The following GPM6A variants were observed in gnomAD, a reference collection of about 807,000 sequenced individuals.
GPM6A encodes glycoprotein M6A, also known as neuronal membrane glycoprotein M6-a.
A neutral mutation model predicts 32.1 loss-of-function variants in GPM6A; 7 were observed. That is an observed-to-expected ratio of 0.22 (90% CI 0.12 to 0.41). The LOEUF is 0.41. Among genes scored for constraint, GPM6A ranks in the 10% least tolerant of loss-of-function variants. GPM6A has a pLI of 1.00. For missense variants in GPM6A, 235 were observed against 347.2 expected, an observed-to-expected ratio of 0.68 and a Z score of 2.57; for synonymous variants, 130 against 123.4, an observed-to-expected ratio of 1.05 and a Z score of -0.35.
intron 1 of GPM6A, among the ~76,000 whole-genome samples, chr4:175,996,754 G>T (rs1243831636): frequency 6.6e-6 from 1 of 152,002 alleles, no homozygotes; most frequent in Non-Finnish European, 1.5e-5. Context: ...TTTTTCTCAG[G>T]ACTTGTGCTG....
intron 1 of GPM6A, among the ~76,000 whole-genome samples, chr4:175,893,387 T>C (rs1465306288): frequency 6.6e-6 from 1 of 152,190 alleles, no homozygotes; most frequent in African/African-American, 2.4e-5. Context: ...CCTCTACAAC[T>C]TAAGAAATTT....
intron 6 of GPM6A, among the ~76,000 whole-genome samples, chr4:175,637,215 C>CATATATAATATAAAATATATATT (rs1560841621): frequency 8.0e-5 from 1 of 12,542 alleles, no homozygotes; most frequent in Non-Finnish European, 1.7e-4. Context: ...CATAATATAT[C>CATATATAATATAAAATATATATT]ATATATAATA....
intron 1 of GPM6A, among the ~76,000 whole-genome samples, chr4:175,944,934 T>C (rs191848641): frequency 8.9e-4 from 135 of 152,318 alleles, no homozygotes; most frequent in African/African-American, 2.4e-3. Context: ...TTCATGTACA[T>C]TTTTTTGTTT....
chr4:175,810,358 A>G (rs1356732965), intron 1 of GPM6A, among the ~76,000 whole-genome samples: 4 of 152,220 alleles, frequency 2.6e-5, no homozygotes, highest in Non-Finnish European at 2.9e-5. Context: ...TATTGTATTC[A>G]TATACATTTA....
chr4:175,989,187 A>G (rs1034410010), intron 1 of GPM6A, among the ~76,000 whole-genome samples: 1 of 152,234 alleles, frequency 6.6e-6, no homozygotes, highest in African/African-American at 2.4e-5. Flanking sequence ...AGCTTTAAAA[A>G]AAATTACTAT....
In GPM6A at chr4:175,805,237, C is replaced by T. The variant is rs372883254; in HGVS notation, c.37+6954G>A. Among the ~76,000 whole-genome samples the T allele has an allele frequency of 8.6e-5, 13 of 151,848 alleles. No homozygotes were observed. The East Asian group carries it at 1.6e-3, about 18-fold the overall frequency. On this transcript the variant is annotated intron_variant, in intron 1 of 6. Coordinates refer to ENST00000393658, the MANE Select transcript of GPM6A (RefSeq NM_201591.3). ...AAACTTTGTTGCATAAAACAACAAT[C>T]GGAATAAATACAGGTGTAAAGTTTT...
chr4:175,930,677 G>T (rs1302036577), intron 1 of GPM6A, among the ~76,000 whole-genome samples: 2 of 151,954 alleles, frequency 1.3e-5, no homozygotes, highest in Non-Finnish European at 2.9e-5. Context: ...ATAATTTGAA[G>T]ACTTCTATCA....
At chr4:175,655,841 T>C (rs1742054531) in intron 3 of GPM6A, among the ~76,000 whole-genome samples, 1 of 152,114 alleles carries the variant, frequency 6.6e-6, no homozygotes, top group Non-Finnish European at 1.5e-5. Flanking sequence ...CTCATAGGGC[T>C]ATGATGTAAA....
intron 1 of GPM6A, among the ~76,000 whole-genome samples, chr4:175,882,656 A>T (rs1207661165): frequency 6.6e-6 from 1 of 151,928 alleles, no homozygotes; most frequent in Non-Finnish European, 1.5e-5. Context: ...AAATATTCAT[A>T]TATATATAGT....
At chr4:175,974,770 C>T (rs13104189) in intron 1 of GPM6A, among the ~76,000 whole-genome samples, 17,173 of 151,862 alleles carry the variant, frequency 0.11, 1,325 homozygotes, top group Middle Eastern at 0.2. Flanking sequence ...GCAGCCTCAA[C>T]ATTCCAAGGT....
At chr4:175,639,058 A>G (rs1740979670) in intron 6 of GPM6A, among the ~76,000 whole-genome samples, 1 of 139,766 alleles carries the variant, frequency 7.2e-6, no homozygotes. Flanking sequence ...TTTATTCTAT[A>G]TAGAGGTCAC....
chr4:175,662,943 TA>T (rs1742513613), intron 3 of GPM6A, among the ~76,000 whole-genome samples: 2 of 152,168 alleles, frequency 1.3e-5, no homozygotes, highest in Non-Finnish European at 2.9e-5. Context: ...AATAACTATA[TA>T]TAAAATCATT....
chr4:175,942,206 T>C (rs576413272), intron 1 of GPM6A, among the ~76,000 whole-genome samples: 60 of 152,326 alleles, frequency 3.9e-4, no homozygotes, highest in Non-Finnish European at 8.2e-4. Context: ...TCTTATCCTT[T>C]ACCCACTTTT....
At chr4:175,750,179 AC>A (rs1466151788) in intron 1 of GPM6A, among the ~76,000 whole-genome samples, 1 of 151,218 alleles carries the variant, frequency 6.6e-6, no homozygotes, top group African/African-American at 2.4e-5. Flanking sequence ...CTGCCTCAGT[AC>A]CCCCAGTAGC....
At chr4:175,685,168 C>T (rs895534810) in intron 2 of GPM6A, among the ~76,000 whole-genome samples, 3 of 152,156 alleles carry the variant, frequency 2.0e-5, no homozygotes, top group South Asian at 2.1e-4. Context: ...GGATTACAGA[C>T]GTGAGCCACC....
chr4:175,892,789 C>T (rs1737686069), intron 1 of GPM6A, among the ~76,000 whole-genome samples: 1 of 152,182 alleles, frequency 6.6e-6, no homozygotes, highest in South Asian at 2.1e-4. Context: ...CAACTACTTC[C>T]TCTTGCTAAA....
intron 1 of GPM6A, among the ~76,000 whole-genome samples, chr4:175,961,649 G>T (rs896098091): frequency 4.6e-5 from 7 of 152,146 alleles, no homozygotes; most frequent in Non-Finnish European, 7.4e-5. Context: ...GCCCTACCAG[G>T]TTCTCACAGA....
intron 1 of GPM6A, among the ~76,000 whole-genome samples, chr4:175,976,328 A>AC (rs1451159069): frequency 1.5e-5 from 2 of 137,340 alleles, no homozygotes; most frequent in Non-Finnish European, 3.0e-5. Context: ...CGCCTGGCTA[A>AC]TTTTTTTTTT....
chr4:175,791,854 CAT>C lies in GPM6A; in HGVS notation c.37+20335_37+20336del, dbSNP rs1486182796. ...GGCTTTTATGCCTTCTGAAAATTGA[CAT>C]ATTGTCCTTCTACACTCCCAGAAAT... On this transcript the variant is annotated intron_variant, in intron 1 of 6. Coordinates refer to ENST00000393658, the MANE Select transcript of GPM6A (RefSeq NM_201591.3). 4.6e-5 allele frequency among the ~76,000 whole-genome samples: 7 copies of C among 152,150 alleles called. No individual in the cohort carries two copies. The East Asian group carries it at 1.4e-3, about 29-fold the overall frequency.
Sources: allele counts gnomAD v4.1 joint callset (sites outside exome capture counted in the v4.1 genomes callset), GRCh38; gene constraint gnomAD v4.1.1; transcripts MANE v1.5; gene names NCBI Gene and HGNC (gene_info 2026-07-23, HGNC 2026-07-21).